GNG7: variants seen among roughly 807,000 people sequenced by gnomAD.
The protein encoded by GNG7 is guanine nucleotide-binding protein G(I)/G(S)/G(O) subunit gamma-7.
GNG7 carries 1 observed loss-of-function variant against 4.0 expected under a neutral mutation model. The observed-to-expected ratio is 0.25, with a 90% confidence interval of 0.09 to 1.18. The LOEUF (loss-of-function observed/expected upper bound fraction) is 1.18, where lower values mean the gene tolerates loss of function less well. GNG7 is among the 50% of genes most tolerant of loss of function. The pLI is 0.50. For missense variants in GNG7, 86 were observed against 91.9 expected (o/e 0.94, Z 0.26); for synonymous variants, 34 against 36.9 (o/e 0.92, Z 0.29).
At chr19:2,605,881 G>C (rs77433196) in intron 2 of GNG7, among the ~76,000 whole-genome samples, 6 of 152,048 alleles carry the variant, frequency 3.9e-5, no homozygotes, top group African/African-American at 1.5e-4. Context: ...ATAATCTGCC[G>C]TCTGAAGATC....
intron 2 of GNG7, among the ~76,000 whole-genome samples, chr19:2,567,498 C>A (rs961534152): frequency 6.6e-6 from 1 of 152,080 alleles, no homozygotes; most frequent in Non-Finnish European, 1.5e-5. Context: ...CTAATTTTTG[C>A]ATTTTTTTGT....
chr19:2,667,071 G>A (rs963649271), intron 1 of GNG7, among the ~76,000 whole-genome samples: 3 of 152,226 alleles, frequency 2.0e-5, no homozygotes, highest in African/African-American at 7.2e-5. Context: ...TGTAATCCCA[G>A]CACTTTGGGA....
chr19:2,606,667 AT>A (rs35504076), intron 2 of GNG7, among the ~76,000 whole-genome samples: 22,324 of 90,534 alleles, frequency 0.25, 2,445 homozygotes, highest in African/African-American at 0.41. Flanking sequence ...AAAAAAAATA[AT>A]TAATTAATTA....
At chr19:2,561,198 C>T (rs1979731614) in intron 2 of GNG7, among the ~76,000 whole-genome samples, 1 of 151,994 alleles carries the variant, frequency 6.6e-6, no homozygotes, top group Admixed American at 6.6e-5. Context: ...CGTGGAATCC[C>T]ATAACCCAGG....
intron 2 of GNG7, among the ~76,000 whole-genome samples, chr19:2,569,256 A>T (rs1980069494): frequency 7.1e-6 from 1 of 140,204 alleles, no homozygotes; most frequent in Non-Finnish European, 1.6e-5. Flanking sequence ...GATGGCGATC[A>T]TCTCCATTCT....
intron 2 of GNG7, among the ~76,000 whole-genome samples, chr19:2,616,477 A>C (rs1467776202): frequency 1.3e-5 from 2 of 151,970 alleles, no homozygotes; most frequent in Non-Finnish European, 2.9e-5. Context: ...CATCTCTATT[A>C]AAAAACAAAC....
chr19:2,526,303 C>G (rs1481678092), intron 3 of GNG7, among the ~76,000 whole-genome samples: 1 of 150,806 alleles, frequency 6.6e-6, no homozygotes, highest in African/African-American at 2.4e-5. Context: ...CGGGGTTTCC[C>G]CATGTTGGCC....
intron 1 of GNG7, among the ~76,000 whole-genome samples, chr19:2,665,352 A>G (rs1355833775): frequency 9.0e-6 from 1 of 110,934 alleles, no homozygotes; most frequent in African/African-American, 3.4e-5. Flanking sequence ...GACATGGCCC[A>G]GTGTCCCCTG....
rs1982071580 is a variant in GNG7, at chr19:2,628,381, G to A, written c.-78+17843C>T. Among the ~76,000 whole-genome samples the A allele has an allele frequency of 3.9e-5, 6 of 152,152 alleles. No homozygotes were observed. In the South Asian group the frequency reaches 1.2e-3, roughly 32 times the overall value. On this transcript the variant is annotated intron_variant, in intron 2 of 4. Coordinates refer to ENST00000382159, the MANE Select transcript of GNG7 (RefSeq NM_052847.3). The stretch of plus-strand genomic sequence containing the variant: ...TACCTACTGGCTGTTGGATGTGAGT[G>A]CTCTGAGCCCCTAGAGGCTACTCTC...
At chr19:2,574,779 A>G in intron 2 of GNG7, among the ~76,000 whole-genome samples, 1 of 152,142 alleles carries the variant, frequency 6.6e-6, no homozygotes, top group East Asian at 1.9e-4. Flanking sequence ...TTCCGTGTTT[A>G]CCATGTGAGA....
chr19:2,667,685 C>G (rs1468545949), intron 1 of GNG7, among the ~76,000 whole-genome samples: 2 of 152,156 alleles, frequency 1.3e-5, no homozygotes, highest in African/African-American at 4.8e-5. Flanking sequence ...GAGGCGGAGG[C>G]AGGCAGATCA....
Position 2,618,092 on chromosome 19 carries a change from C to T in GNG7, c.-78+28132G>A, listed in dbSNP as rs920858417. Among the ~76,000 whole-genome samples the T allele has an allele frequency of 1.3e-5, 2 of 152,192 alleles. No individual in the cohort carries two copies. Among genetic ancestry groups the T allele is most frequent in the Non-Finnish European group, 2.9e-5 (2 of 68,036 alleles). On this transcript the variant is annotated intron_variant, in intron 2 of 4. Transcript: ENST00000382159. The surrounding 1 kb of genome is among the most constrained non-coding windows in gnomAD (Gnocchi z 5.1). ...CTGTGTGACACATGCTCCCTGAGAA[C>T]AGGACTTGATTCCACCTGTATCAGG...
intron 3 of GNG7, among the ~76,000 whole-genome samples, chr19:2,548,215 A>AC (rs1328885517): frequency 6.6e-6 from 1 of 152,172 alleles, no homozygotes; most frequent in Non-Finnish European, 1.5e-5. Context: ...ATGGTGGCTC[A>AC]CGCCTGTAAT....
rs553538882 is a variant in GNG7, at chr19:2,596,578, A to C, written c.-77-41390T>G. Reference sequence around the variant, plus strand: ...CAGCTACTCAGGAGGTTGAGGTGGGAGGATCGCTTGAGTCCAAGAGGTTGA... The same window carrying C: ...CAGCTACTCAGGAGGTTGAGGTGGGCGGATCGCTTGAGTCCAAGAGGTTGA... On this transcript the variant is annotated intron_variant, in intron 2 of 4. Transcript: ENST00000382159. Among the ~76,000 whole-genome samples the C allele has an allele frequency of 2.0e-4, 30 of 151,906 alleles. No individual in the cohort carries two copies. The South Asian group carries it at 6.2e-3, about 32-fold the overall frequency.
chr19:2,582,671 T>C, intron 2 of GNG7, among the ~76,000 whole-genome samples: 1 of 140,118 alleles, frequency 7.1e-6, no homozygotes, highest in Non-Finnish European at 1.6e-5. Flanking sequence ...TTTTTTTTTT[T>C]TTTTTTTTTT....
intron 3 of GNG7, among the ~76,000 whole-genome samples, chr19:2,541,585 C>T (rs4807294): frequency 6.6e-6 from 1 of 151,460 alleles, no homozygotes; most frequent in African/African-American, 2.4e-5. Flanking sequence ...ATACAAAAAA[C>T]AAAAAAATTA....
chr19:2,673,704 A>AAG (rs1555702794), intron 1 of GNG7, among the ~76,000 whole-genome samples: 10 of 151,510 alleles, frequency 6.6e-5, no homozygotes, highest in Non-Finnish European at 1.2e-4. Flanking sequence ...AAAAAAAAAA[A>AAG]AAAGAAAGAA....
At chr19:2,668,255 G>A (rs973517782) in intron 1 of GNG7, among the ~76,000 whole-genome samples, 6 of 151,844 alleles carry the variant, frequency 4.0e-5, no homozygotes, top group Admixed American at 1.3e-4. Flanking sequence ...AGAGAAGGAC[G>A]ACAGGCAATT....
intron 1 of GNG7, among the ~76,000 whole-genome samples, chr19:2,675,674 G>C (rs756565982): frequency 4.6e-5 from 7 of 152,094 alleles, no homozygotes; most frequent in Middle Eastern, 3.2e-3. Flanking sequence ...AGATATTCCC[G>C]ACACTTGGGG....
Sources: gnomAD v4.1 joint callset for allele counts (sites outside exome capture counted in the v4.1 genomes callset) on GRCh38, gnomAD v4.1.1 for gene constraint, Gnocchi (gnomAD v3.1) non-coding constraint, MANE v1.5 for transcripts, NCBI Gene and HGNC (gene_info 2026-07-23, HGNC 2026-07-21) for gene names.